The following ESPN variants were observed in gnomAD, a reference collection of about 807,000 sequenced individuals.
ESPN encodes espin.
In ESPN, 68 loss-of-function variants were observed where a neutral mutation model predicts 77.7. The ratio of observed to expected loss-of-function variants is 0.87; its 90% confidence interval spans 0.72 to 1.07. The LOEUF is 1.07. Among genes scored for constraint, ESPN ranks in the 50% least tolerant of loss-of-function variants. The probability of loss-of-function intolerance (pLI) is 0.00; values close to 1 mark genes in which losing one functional copy is unlikely to be tolerated. For missense variants in ESPN, 1,060 were observed against 1,239.0 expected, an observed-to-expected ratio of 0.86 and a Z score of 2.17; for synonymous variants, 449 against 567.1, an observed-to-expected ratio of 0.79 and a Z score of 2.96.
chr1:6,461,314 G>C (rs2148554632), downstream of ESPN: 1 of 1,285,956 alleles, frequency 7.8e-7, no homozygotes, highest in East Asian at 2.5e-5. This position sits in a 1 kb window ranked among gnomAD's most constrained non-coding sequence, Gnocchi z 6.3. Flanking sequence ...GGCTGGTGCT[G>C]CTACGCAGGG....
rs114696330 is a variant in ESPN, at chr1:6,456,760, A to C, written c.2326-424A>C. On this transcript the variant is annotated intron_variant, in intron 10 of 12. Coordinates refer to ENST00000645284, the MANE Select transcript of ESPN (RefSeq NM_031475.3). Reference sequence around the variant, plus strand: ...TATCCACTCTATTGGGAAGATGGCAACCATGGGGTGAAGGTCCTTCACAGG... The same window carrying C: ...TATCCACTCTATTGGGAAGATGGCACCCATGGGGTGAAGGTCCTTCACAGG... 1.7e-3 allele frequency: 514 copies of C among 303,072 alleles called. 1 individual carries two copies. The highest frequency in any genetic ancestry group is 2.6e-3 in the Non-Finnish European group (410 of 159,936). The allele number at this position is 303,072 out of a possible 1,614,324, so 18.8% of individuals were successfully genotyped here.
chr1:6,445,311 T>C (rs1318841195), intron 6 of ESPN, among the ~76,000 whole-genome samples: 1 of 152,246 alleles, frequency 6.6e-6, no homozygotes, highest in Non-Finnish European at 1.5e-5. Context: ...CGCCAGATGG[T>C]GGCCTCCAGA....
intron 6 of ESPN, among the ~76,000 whole-genome samples, chr1:6,445,212 G>A (rs1643784861): frequency 6.6e-6 from 1 of 152,188 alleles, no homozygotes; most frequent in African/African-American, 2.4e-5. Context: ...ATGCACGATC[G>A]CCTCGGCAGA....
In ESPN at chr1:6,460,021, CAGG is replaced by C; in HGVS notation, c.2446_2448del (p.Glu816del). 6.2e-7 allele frequency: 1 copy of C among 1,613,716 alleles called. No individual in the cohort carries two copies. The highest frequency in any genetic ancestry group is 8.5e-7 in the Non-Finnish European group (1 of 1,180,026). ...CAGGAAAGAGGAGGAGCGACAGAAG[CAGG>C]AGGAGCTGCGGCGGGAGAAGGAACA... On this transcript the variant is annotated inframe_deletion, in exon 13 of 13. Transcript: ENST00000645284.
Position 6,440,351 on chromosome 1 carries a change from G to A in ESPN, c.586G>A (p.Gly196Ser), listed in dbSNP as rs375888967. 3 of 1,585,188 alleles carry A rather than the reference G, an allele frequency of 1.9e-6. No individual in the cohort carries two copies. Among genetic ancestry groups the A allele is most frequent in the South Asian group, 1.1e-5 (1 of 87,654 alleles). Residue 196 changes from glycine (G) to serine (S), a missense_variant, in exon 3 of 13, where the codon GGC becomes AGC. Coordinates refer to ENST00000645284, the MANE Select transcript of ESPN (RefSeq NM_031475.3). ...EVTQYLVQEC[G>S]ADPHARAHDG... Reference sequence around the variant, plus strand: ...GACCCAGTACCTGGTGCAGGAATGCGGCGCAGACCCGCACGCGCGCGCCCA... The same window carrying A: ...GACCCAGTACCTGGTGCAGGAATGCAGCGCAGACCCGCACGCGCGCGCCCA...
intron 4 of ESPN, 21 bp from the exon 5 acceptor site, chr1:6,440,913 C>T (rs1182530932): frequency 6.4e-7 from 1 of 1,554,590 alleles, no homozygotes; most frequent in African/African-American, 1.4e-5. Context: ...GCGGCCGGGT[C>T]CTCACTGCGT....
At chr1:6,446,529 G>C (rs1389372394) in intron 7 of ESPN, among the ~76,000 whole-genome samples, 5 of 152,184 alleles carry the variant, frequency 3.3e-5, no homozygotes, top group Admixed American at 2.6e-4. Context: ...AAGCGAGCCT[G>C]TGTGGAGAGG....
intron 8 of ESPN, among the ~76,000 whole-genome samples, chr1:6,449,723 G>A (rs1012526560): frequency 1.1e-4 from 17 of 152,116 alleles, no homozygotes; most frequent in East Asian, 9.7e-4. Context: ...CTCCCTCCCC[G>A]GTGACTTCCC....
chr1:6,452,748 A>G (rs1335113182), intron 10 of ESPN, among the ~76,000 whole-genome samples: 2 of 152,186 alleles, frequency 1.3e-5, no homozygotes. Context: ...CCTGGGCTCC[A>G]TTGCTGTGCT....
intron 7 of ESPN, 88 bp from the exon 8 acceptor site, chr1:6,448,553 C>A (rs3969943): frequency 4.1e-6 from 5 of 1,228,770 alleles, no homozygotes; most frequent in Non-Finnish European, 5.6e-6. Context: ...GGCCGCGAGT[C>A]CCCAGGAGGT....
At chr1:6,425,274 G>C (rs779497352) in intron 1 of ESPN, 25 bp downstream of exon 1, 1 of 1,564,540 alleles carries the variant, frequency 6.4e-7, no homozygotes, top group Admixed American at 1.8e-5. Flanking sequence ...TTCGCCAGGG[G>C]CACTGAGGCT....
intron 2 of ESPN, 48 bp from the exon 3 acceptor site, chr1:6,440,206 G>C (rs1643569100): frequency 1.3e-6 from 2 of 1,531,150 alleles, no homozygotes; most frequent in South Asian, 2.4e-5. Context: ...GAAGGCCTCG[G>C]AGGGGGTGAG....
intron 5 of ESPN, among the ~76,000 whole-genome samples, chr1:6,442,764 A>T (rs1242396906): frequency 3.4e-5 from 5 of 147,676 alleles, no homozygotes; most frequent in Non-Finnish European, 7.4e-5. Flanking sequence ...GCTACTTGGG[A>T]GGCTGAGGCA....
chr1:6,438,217 G>A (rs1460741877), intron 2 of ESPN, among the ~76,000 whole-genome samples: 1 of 152,194 alleles, frequency 6.6e-6, no homozygotes, highest in African/African-American at 2.4e-5. Flanking sequence ...TCCTTCGGTG[G>A]TAACTGCACC....
rs910130867 is a variant in ESPN, at chr1:6,448,828, C to G, written c.1652C>G (p.Ala551Gly). 1 of 1,237,796 alleles carries G rather than the reference C, an allele frequency of 8.1e-7. No individual in the cohort carries two copies. The highest frequency in any genetic ancestry group is 1.6e-5 in the African/African-American group (1 of 63,656). 76.7% of individuals were successfully genotyped at this position (1,237,796 alleles called of 1,614,324 possible). ...GTGCGTGCCCGCCAGCCCGCGCGCG[C>G]CGGCTGCCCGCGCCTCGGCCCTGCC... The part of the protein sequence containing the change: ...EEVRARQPAR[A>G]GCPRLGPAAR... Residue 551 changes from alanine to glycine, a missense_variant, in exon 8 of 13, where the codon GCC (alanine) becomes GGC (glycine). Around this residue, in one of 3 missense-constraint regions of ESPN, gnomAD observed 130 missense variants for 223.9 expected, o/e 0.58. Coordinates refer to ENST00000645284, the MANE Select transcript of ESPN (RefSeq NM_031475.3).
chr1:6,440,202 C>G lies in ESPN; in HGVS notation c.489-52C>G, dbSNP rs1433814320. 2.0e-5 allele frequency: 31 copies of G among 1,530,420 alleles called. No homozygotes were observed. In the East Asian group the frequency reaches 5.9e-4, roughly 29 times the overall value. The allele number at this position is 1,530,420 out of a possible 1,614,324, so 94.8% of individuals were successfully genotyped here. Reference sequence around the variant, plus strand: ...ACGGGATGGGGGCGGGTAAGAAGGCCTCGGAGGGGGTGAGGCGCTGAAAGC... The same window carrying G: ...ACGGGATGGGGGCGGGTAAGAAGGCGTCGGAGGGGGTGAGGCGCTGAAAGC... On this transcript the variant is annotated intron_variant, in intron 2 of 12. Coordinates refer to ENST00000645284, the MANE Select transcript of ESPN (RefSeq NM_031475.3).
intron 2 of ESPN, among the ~76,000 whole-genome samples, chr1:6,439,498 AG>A (rs1271650254): frequency 6.6e-6 from 1 of 152,222 alleles, no homozygotes; most frequent in Non-Finnish European, 1.5e-5. Flanking sequence ...GGCCCTGGGC[AG>A]TGTGGGGCGG....
intron 2 of ESPN, chr1:6,429,726 G>A (rs1643171968): frequency 6.6e-6 from 1 of 152,428 alleles, no homozygotes; most frequent in South Asian, 2.1e-4. Flanking sequence ...TCCCTCCGTG[G>A]GCTGGATCCC....
In ESPN at chr1:6,428,388, TC is replaced by T; in HGVS notation, c.460del (p.Leu154Ter). 1.2e-6 allele frequency: 2 copies of T among 1,612,330 alleles called. No individual in the cohort carries two copies. The highest frequency in any genetic ancestry group is 8.5e-7 in the Non-Finnish European group (1 of 1,179,270). On this transcript the variant is annotated frameshift_variant, in exon 2 of 13. Coordinates refer to ENST00000645284, the MANE Select transcript of ESPN (RefSeq NM_031475.3). LOFTEE classifies it high-confidence loss of function. The surrounding 1 kb of genome is among the most constrained non-coding windows in gnomAD (Gnocchi z 5.4). ...HYAAAKGDFP[S>X]LRLLVEHYPE... is the part of the protein sequence containing the mutation. ...CGCTGCCGCCAAAGGAGACTTCCCC[TC>T]CCTGAGGCTTCTCGTCGAGCACTAC...
Sources: gnomAD v4.1 joint callset for allele counts (sites outside exome capture counted in the v4.1 genomes callset) on GRCh38, gnomAD v4.1.1 for gene constraint, gnomAD v4.1.1 regional missense constraint, Gnocchi (gnomAD v3.1) non-coding constraint, MANE v1.5 for transcripts, NCBI Gene and HGNC (gene_info 2026-07-23, HGNC 2026-07-21) for gene names.